Variants in AGMO observed in about 807,000 individuals in gnomAD.
The protein encoded by AGMO is alkylglycerol monooxygenase.
In AGMO, 75 loss-of-function variants were observed where a neutral mutation model predicts 60.2. The ratio of observed to expected loss-of-function variants is 1.25; its 90% CI spans 1.03 to 1.51. AGMO has a LOEUF of 1.51. Among genes scored for constraint, AGMO ranks in the 40% most tolerant of loss-of-function variants. The pLI is 0.00. For missense variants in AGMO, 763 were observed against 525.5 expected (o/e 1.45, Z -4.42); for synonymous variants, 261 against 177.1 (o/e 1.47, Z -3.76).
At chr7:15,367,258 A>G (rs1783023562) in intron 10 of AGMO, among the ~76,000 whole-genome samples, 1 of 151,908 alleles carries the variant, frequency 6.6e-6, no homozygotes. Flanking sequence ...AATTTTTTAA[A>G]AAAAATTATC....
chr7:15,314,385 A>G (rs1052722862), intron 12 of AGMO, among the ~76,000 whole-genome samples: 1 of 152,188 alleles, frequency 6.6e-6, no homozygotes, highest in African/African-American at 2.4e-5. Flanking sequence ...TTTGTTCAGT[A>G]ACAGGAAAAT....
chr7:15,534,721 A>C (rs1784447376), intron 3 of AGMO, among the ~76,000 whole-genome samples: 1 of 151,934 alleles, frequency 6.6e-6, no homozygotes, highest in Non-Finnish European at 1.5e-5. Context: ...GTACATATAC[A>C]CAAATATATT....
intron 12 of AGMO, among the ~76,000 whole-genome samples, chr7:15,305,221 C>T (rs538095416): frequency 9.4e-5 from 14 of 148,298 alleles, no homozygotes; most frequent in African/African-American, 3.3e-4. Flanking sequence ...GACAAGGCAA[C>T]CTTGTCAGGC....
At chr7:15,428,313 C>A (rs1042602774) in intron 4 of AGMO, among the ~76,000 whole-genome samples, 1 of 152,122 alleles carries the variant, frequency 6.6e-6, no homozygotes, top group Non-Finnish European at 1.5e-5. Flanking sequence ...GGCTGACTTA[C>A]AATCCCTATA....
In AGMO at chr7:15,524,822, A is replaced by G. The variant is rs1024600710; in HGVS notation, c.409+19950T>C. On this transcript the variant is annotated intron_variant, in intron 3 of 12. Coordinates refer to ENST00000342526, the MANE Select transcript of AGMO (RefSeq NM_001004320.2). ...CGTTGCAGTGAGCTGAGATCACGCC[A>G]TTGCACTCCAGCCTGGGGAACAAAA... Among the ~76,000 whole-genome samples the G allele has an allele frequency of 2.0e-5, 3 of 149,916 alleles. No individual in the cohort carries two copies. The Admixed American group carries it at 2.0e-4, about 10-fold the overall frequency.
At chr7:15,313,859 A>C (rs1414589212) in intron 12 of AGMO, among the ~76,000 whole-genome samples, 1 of 152,102 alleles carries the variant, frequency 6.6e-6, no homozygotes, top group Non-Finnish European at 1.5e-5. Context: ...AATAAAAGTT[A>C]TGCAGATGGG....
At chr7:15,337,324 CATA>C (rs1781694490) in intron 12 of AGMO, among the ~76,000 whole-genome samples, 1 of 152,082 alleles carries the variant, frequency 6.6e-6, no homozygotes, top group African/African-American at 2.4e-5. Context: ...GAATATATTT[CATA>C]ATTATATAAT....
chr7:15,460,787 G>T (rs569271268), intron 3 of AGMO, among the ~76,000 whole-genome samples: 100 of 152,218 alleles, frequency 6.6e-4, no homozygotes, highest in African/African-American at 2.3e-3. Flanking sequence ...TAAAATGTAT[G>T]AAGTACTCCA....
the AGMO span, among the ~76,000 whole-genome samples, chr7:15,185,646 G>A: frequency 1.6e-4 from 24 of 150,212 alleles, no homozygotes; most frequent in African/African-American, 5.9e-4. Context: ...AGAGAAGGCA[G>A]ATGATTTGTC....
chr7:15,527,678 T>C (rs911001065), intron 3 of AGMO, among the ~76,000 whole-genome samples: 1 of 152,178 alleles, frequency 6.6e-6, no homozygotes, highest in African/African-American at 2.4e-5. Flanking sequence ...GAAGATGCAA[T>C]CTACAATTTT....
At chr7:15,278,863 G>A (rs1428238144) in intron 12 of AGMO, among the ~76,000 whole-genome samples, 1 of 152,130 alleles carries the variant, frequency 6.6e-6, no homozygotes, top group South Asian at 2.1e-4. Context: ...TACTCACATG[G>A]GGACAGGGTG....
rs76110939 is a variant in AGMO at position 15,219,606 on chromosome 7, G to A, written c.1264-18247C>T. On this transcript the variant is annotated intron_variant, in intron 12 of 12. Coordinates refer to ENST00000342526, the MANE Select transcript of AGMO (RefSeq NM_001004320.2). The stretch of plus-strand genomic sequence containing the variant: ...GTAAGACAAGATAGGTGATTGAAGC[G>A]TTCTCATCCTGGAGCTATGTGATTC... Among the ~76,000 whole-genome samples, 947 of 152,184 alleles carry A rather than the reference G, an allele frequency of 6.2e-3. 12 individuals are homozygous for A. The highest frequency in any genetic ancestry group is 0.021 in the African/African-American group (883 of 41,530).
intron 4 of AGMO, among the ~76,000 whole-genome samples, chr7:15,424,617 T>G (rs961401485): frequency 1.3e-5 from 2 of 152,222 alleles, no homozygotes; most frequent in Non-Finnish European, 1.5e-5. Context: ...TGACGCATGC[T>G]AGCATTAGTC....
intron 12 of AGMO, among the ~76,000 whole-genome samples, chr7:15,247,459 C>CAGAGAGAGAGAGAG (rs35939832): frequency 2.3e-4 from 27 of 115,270 alleles, no homozygotes; most frequent in South Asian, 3.3e-4. Context: ...CACACACACA[C>CAGAGAGAGAGAGAG]AGAGAGAGAG....
intron 12 of AGMO, among the ~76,000 whole-genome samples, chr7:15,238,219 T>G (rs1022576399): frequency 5.3e-5 from 8 of 152,070 alleles, no homozygotes; most frequent in Non-Finnish European, 1.2e-4. Flanking sequence ...GTGGCAATTT[T>G]TCTTTTTCAA....
At chr7:15,553,227 C>T (rs1490306596) in intron 2 of AGMO, among the ~76,000 whole-genome samples, 7 of 151,174 alleles carry the variant, frequency 4.6e-5, no homozygotes, top group African/African-American at 9.7e-5. Context: ...TGCTAGATGA[C>T]GAGTTAGTGG....
At chr7:15,157,013 A>G in the AGMO span, among the ~76,000 whole-genome samples, 1 of 152,234 alleles carries the variant, frequency 6.6e-6, no homozygotes, top group African/African-American at 2.4e-5. Context: ...TAAATCATTA[A>G]GACAACAAAT....
At chr7:15,401,875 G>C (rs1473846604) in intron 5 of AGMO, among the ~76,000 whole-genome samples, 2 of 152,106 alleles carry the variant, frequency 1.3e-5, no homozygotes, top group Non-Finnish European at 2.9e-5. Flanking sequence ...AAATCTCATA[G>C]TGGAATAGAT....
At chr7:15,173,505 G>A in the AGMO span, among the ~76,000 whole-genome samples, 125,966 of 152,074 alleles carry the variant, frequency 0.83, 52,217 homozygotes, top group East Asian at 1. Context: ...TAAATTGTCT[G>A]TCTGGTCCCT....
Sources: allele counts gnomAD v4.1 joint callset (sites outside exome capture counted in the v4.1 genomes callset), GRCh38; gene constraint gnomAD v4.1.1; transcripts MANE v1.5; gene names NCBI Gene and HGNC (gene_info 2026-07-23, HGNC 2026-07-21).